The following NYX variants were observed in gnomAD, a reference collection of about 807,000 sequenced individuals.
The protein encoded by NYX is nyctalopin.
For synonymous variants in NYX, 258 were observed against 245.7 expected, an observed-to-expected ratio of 1.05 and a Z score of -0.47; for missense variants, 481 against 485.4, an observed-to-expected ratio of 0.99 and a Z score of 0.09.
intron 2 of NYX, among the ~76,000 whole-genome samples, chrX:41,453,581 G>A (rs1454995729): frequency 1.8e-5 from 2 of 108,972 alleles, no homozygotes; most frequent in East Asian, 2.9e-4. Flanking sequence ...TCAGCCTCCC[G>A]AGTAGCTGGG....
intron 2 of NYX, among the ~76,000 whole-genome samples, chrX:41,457,690 G>A (rs1169965801): frequency 9.0e-6 from 1 of 111,581 alleles, no homozygotes; most frequent in Non-Finnish European, 1.9e-5. Flanking sequence ...CCATTTTCAC[G>A]GAGAAAGAAT....
rs1484100531 is a variant in NYX at position 41,469,076 on chromosome X, GC to G, written c.23-4413del. ...TTTACAACTGAGGGGCTGTTCAAAG[GC>G]CTGAGTGCTCTTCAGCTGTGTCTGA... is the stretch of plus-strand genomic sequence containing the variant. On this transcript the variant is annotated intron_variant, in intron 2 of 2. Transcript: ENST00000378220. Among the ~76,000 whole-genome samples the G allele has an allele frequency of 2.7e-5, 3 of 111,584 alleles. 1 individual carries two copies. The highest frequency in any genetic ancestry group is 5.6e-5 in the Non-Finnish European group (3 of 53,166).
Position 41,474,813 on chromosome X carries a change from G to A in NYX, c.1345G>A (p.Ala449Thr). The change falls in exon 3 of 3, where the codon GCG becomes ACG. Residue 449 changes from alanine to threonine, a missense_variant. Ala to Thr is a moderately conservative substitution (Grantham distance 58, BLOSUM62 0). Transcript: ENST00000378220. ...CCTCTCCTCCCGTGGGGTGGGAGGC[G>A]CGGGCCGGCAGCCCTGGTTTCTCCT... ...DSLSSRGVGGAGRQPWFLLAS... is the reference protein window; with the variant it reads ...DSLSSRGVGGTGRQPWFLLAS... 1.7e-6 allele frequency: 2 copies of A among 1,203,729 alleles called. No homozygotes were observed. Among genetic ancestry groups the A allele is most frequent in the Non-Finnish European group, 2.2e-6 (2 of 892,486 alleles).
At chrX:41,454,691 C>T (rs750097470) in intron 2 of NYX, among the ~76,000 whole-genome samples, 13 of 110,531 alleles carry the variant, frequency 1.2e-4, no homozygotes, top group African/African-American at 4.0e-4. Flanking sequence ...ACTGTAGCCT[C>T]GACCTCCTTG....
chrX:41,462,742 TTCTG>T (rs748132307), intron 2 of NYX, among the ~76,000 whole-genome samples: 2 of 112,289 alleles, frequency 1.8e-5, no homozygotes, highest in Admixed American at 9.6e-5. Context: ...CTTATTTATC[TTCTG>T]TCTATCTTTT....
intron 2 of NYX, among the ~76,000 whole-genome samples, chrX:41,469,330 G>A (rs2064351168): frequency 9.0e-6 from 1 of 111,014 alleles, no homozygotes; most frequent in Non-Finnish European, 1.9e-5. Flanking sequence ...TATTTGCTAG[G>A]AATTCGGGAG....
chrX:41,471,957 C>T (rs878978371), intron 2 of NYX, among the ~76,000 whole-genome samples: 4 of 110,173 alleles, frequency 3.6e-5, no homozygotes, highest in South Asian at 3.9e-4. Context: ...TGCAGTTTGT[C>T]CTCCTTTATC....
intron 2 of NYX, among the ~76,000 whole-genome samples, chrX:41,463,869 C>A (rs2064329257): frequency 8.9e-6 from 1 of 111,864 alleles, no homozygotes; most frequent in South Asian, 3.7e-4. Context: ...CCGTGCCGGC[C>A]AGTAGTCTTT....
Position 41,474,183 on chromosome X carries a change from G to A in NYX, c.715G>A (p.Glu239Lys), listed in dbSNP as rs765093922. The change falls in exon 3 of 3, where the codon GAG (glutamate) becomes AAG (lysine). Residue 239 changes from glutamate to lysine, a missense_variant. By Grantham distance (56) the Glu-to-Lys change is moderately conservative (BLOSUM62 1). Transcript: ENST00000378220. The part of the protein sequence containing the change: ...HLLLNDNLLA[E>K]LPADAFRGLR... ...GCTGCTCAACGACAACCTGCTGGCC[G>A]AGCTCCCGGCCGACGCCTTCCGCGG... 4.3e-6 allele frequency: 5 copies of A among 1,161,342 alleles called. 1 individual carries two copies. In the Admixed American group the frequency reaches 1.0e-4, roughly 24 times the overall value.
chrX:41,459,204 G>T (rs894581797), intron 2 of NYX, among the ~76,000 whole-genome samples: 1 of 112,118 alleles, frequency 8.9e-6, no homozygotes, highest in African/African-American at 3.2e-5. Flanking sequence ...TGTTACCACA[G>T]TACCTAAACT....
intron 2 of NYX, among the ~76,000 whole-genome samples, chrX:41,463,090 G>A (rs745742399): frequency 8.1e-5 from 9 of 111,018 alleles, no homozygotes; most frequent in Non-Finnish European, 1.1e-4. Context: ...TTATCTCCAC[G>A]AAGCTTTGTA....
chrX:41,474,789 C>G lies in NYX; in HGVS notation c.1321C>G (p.Leu441Val). 8.3e-7 allele frequency: 1 copy of G among 1,200,210 alleles called. No individual in the cohort carries two copies. Among genetic ancestry groups the G allele is most frequent in the African/African-American group, 1.7e-5 (1 of 57,855 alleles). ...GLANASLSDSLSSRGVGGAGR... is the reference protein window; with the variant it reads ...GLANASLSDSVSSRGVGGAGR... ...GGCCAACGCCTCCCTGTCCGACAGC[C>G]TCTCCTCCCGTGGGGTGGGAGGCGC... Residue 441 changes from leucine to valine, a missense_variant, in exon 3 of 3, where the codon CTC (leucine) becomes GTC (valine). By Grantham distance (32) the Leu-to-Val change is conservative. Transcript: ENST00000378220.
rs1442980988 is a variant in NYX, at chrX:41,474,770, C to A, written c.1302C>A (p.Asn434Lys). The change falls in exon 3 of 3, where the codon AAC becomes AAA. Residue 434 changes from asparagine to lysine, a missense_variant. Transcript: ENST00000378220. Reference protein sequence around the residue: ...EAANTTGGLANASLSDSLSSR... With the variant: ...EAANTTGGLAKASLSDSLSSR... ...CCAACACCACTGGGGGGCTGGCCAA[C>A]GCCTCCCTGTCCGACAGCCTCTCCT... 8.4e-7 allele frequency: 1 copy of A among 1,193,875 alleles called. No individual in the cohort carries two copies.
At chrX:41,470,721 T>C (rs1163244234) in intron 2 of NYX, among the ~76,000 whole-genome samples, 4 of 108,643 alleles carry the variant, frequency 3.7e-5, no homozygotes, top group Admixed American at 1.0e-4. Context: ...AAATCATTGA[T>C]GCAGTATTTT....
intron 2 of NYX, among the ~76,000 whole-genome samples, chrX:41,462,600 G>C (rs1391590693): frequency 8.9e-6 from 1 of 111,993 alleles, no homozygotes; most frequent in African/African-American, 3.2e-5. Context: ...TCTGGTGATG[G>C]CTCTTTCCTG....
At position 41,448,840 on chromosome X, in the gene NYX, A is replaced by G. The variant is rs1452133509; in HGVS notation, c.22+914A>G. On this transcript the variant is annotated intron_variant, in intron 2 of 2. Transcript: ENST00000378220. ...CTCCCAAAGTGCTGGGATTGCAGGC[A>G]TGAACCACCGTGCCCAGCCTACAGT... Among the ~76,000 whole-genome samples the G allele has an allele frequency of 7.2e-5, 8 of 111,173 alleles. No individual in the cohort carries two copies. The Admixed American group carries it at 7.7e-4, about 11-fold the overall frequency.
chrX:41,470,653 C>T (rs1310545794), intron 2 of NYX, among the ~76,000 whole-genome samples: 2 of 95,130 alleles, frequency 2.1e-5, no homozygotes, highest in African/African-American at 4.0e-5. Flanking sequence ...GAGATTAGCG[C>T]CATTGCACTC....
intron 2 of NYX, among the ~76,000 whole-genome samples, chrX:41,461,446 TG>T (rs1294138902): frequency 1.8e-5 from 2 of 109,548 alleles, no homozygotes; most frequent in East Asian, 5.7e-4. Flanking sequence ...GATGGGCATT[TG>T]GGGTGGTTCC....
chrX:41,450,355 C>A (rs2147010717), intron 2 of NYX, among the ~76,000 whole-genome samples: 1 of 111,162 alleles, frequency 9.0e-6, no homozygotes, highest in South Asian at 3.8e-4. Context: ...CAGCTCACTG[C>A]AACCTCTGCC....
Sources: gnomAD v4.1 joint callset for allele counts (sites outside exome capture counted in the v4.1 genomes callset) on GRCh38, gnomAD v4.1.1 for gene constraint, MANE v1.5 for transcripts, NCBI Gene and HGNC (gene_info 2026-07-23, HGNC 2026-07-21) for gene names.